SCGN: variants seen among roughly 807,000 people sequenced by gnomAD.
SCGN encodes secretagogin, EF-hand calcium binding protein.
Under a neutral mutation model 39.7 loss-of-function variants are expected in SCGN, and 30 were observed. That is an observed-to-expected ratio of 0.76 (90% CI 0.57 to 1.03). The LOEUF is 1.03. Ranked by LOEUF, SCGN falls within the 50% of genes least tolerant of loss-of-function variation. The pLI is 0.00. For missense variants in SCGN, 353 were observed against 349.4 expected (o/e 1.01, Z -0.08); for synonymous variants, 106 against 114.1 (o/e 0.93, Z 0.45).
chr6:25,661,008 A>C (rs1361132821), intron 2 of SCGN, among the ~76,000 whole-genome samples: 1 of 152,220 alleles, frequency 6.6e-6, no homozygotes, highest in East Asian at 1.9e-4. Flanking sequence ...TCTACATAGA[A>C]GGGAGTTGTA....
intron 7 of SCGN, among the ~76,000 whole-genome samples, chr6:25,686,851 C>G (rs1006839724): frequency 6.6e-6 from 1 of 151,970 alleles, no homozygotes; most frequent in Non-Finnish European, 1.5e-5. Context: ...TTATGTAAAT[C>G]CTTTTCATGT....
intron 6 of SCGN, among the ~76,000 whole-genome samples, chr6:25,677,675 C>A (rs1759582565): frequency 6.6e-6 from 1 of 152,016 alleles, no homozygotes; most frequent in South Asian, 2.1e-4. Flanking sequence ...TATACATATG[C>A]TTGTATGTTT....
At chr6:25,688,869 C>G (rs935621360) in intron 7 of SCGN, among the ~76,000 whole-genome samples, 5 of 150,350 alleles carry the variant, frequency 3.3e-5, no homozygotes, top group African/African-American at 1.2e-4. Context: ...TAATTATTTT[C>G]CAGAGCTCTG....
At chr6:25,671,571 G>A (rs9467557) in intron 6 of SCGN, among the ~76,000 whole-genome samples, 1,960 of 152,268 alleles carry the variant, frequency 0.013, 28 homozygotes, top group African/African-American at 0.035. Context: ...AGCTTCTTAC[G>A]GTGTTGATTT....
chr6:25,701,202 C>T lies in SCGN; in HGVS notation c.703-5C>T. The T allele has an allele frequency of 6.2e-7, 1 of 1,608,308 alleles. No individual in the cohort carries two copies. Among genetic ancestry groups the T allele is most frequent in the Non-Finnish European group, 8.5e-7 (1 of 1,177,426 alleles). ...CTGTTAACATGTTACTTTTGTCGCC[C>T]TCAGCCCAGCATCAGCGGGGTGGAC... On this transcript the variant is annotated splice_polypyrimidine_tract_variant and splice_region_variant and intron_variant, in intron 10 of 10. Coordinates refer to ENST00000377961, the MANE Select transcript of SCGN (RefSeq NM_006998.4).
intron 10 of SCGN, among the ~76,000 whole-genome samples, chr6:25,697,440 T>C (rs1759853250): frequency 6.6e-6 from 1 of 152,252 alleles, no homozygotes; most frequent in Non-Finnish European, 1.5e-5. Flanking sequence ...AGTGAAACTC[T>C]AATTCAGTTC....
intron 2 of SCGN, among the ~76,000 whole-genome samples, chr6:25,658,664 C>T (rs1031595386): frequency 1.3e-5 from 2 of 152,136 alleles, no homozygotes; most frequent in African/African-American, 4.8e-5. Flanking sequence ...AGAGACTCAC[C>T]TTCACTGCAA....
chr6:25,668,902 C>T (rs533938489), intron 4 of SCGN, among the ~76,000 whole-genome samples: 1 of 152,062 alleles, frequency 6.6e-6, no homozygotes, highest in Non-Finnish European at 1.5e-5. Flanking sequence ...ACAAGGTCAG[C>T]AGATCGAGAC....
chr6:25,697,751 A>G (rs938628809), intron 10 of SCGN, among the ~76,000 whole-genome samples: 8 of 152,192 alleles, frequency 5.3e-5, no homozygotes, highest in Non-Finnish European at 1.0e-4. Context: ...TTTTCAATCA[A>G]TTTTATTTCA....
At position 25,696,024 on chromosome 6, in the gene SCGN, T is replaced by C. The variant is rs1266532562; in HGVS notation, c.702+4900T>C. Among the ~76,000 whole-genome samples the C allele has an allele frequency of 2.0e-5, 3 of 152,298 alleles. No homozygotes were observed. In the East Asian group the frequency reaches 5.8e-4, roughly 29 times the overall value. ...TGATGGGAGTTCCTGCCCACAGTCC[T>C]CCCTAAAGTTCTTTCTTTTCCTTGA... On this transcript the variant is annotated intron_variant, in intron 10 of 10. Transcript: ENST00000377961.
At chr6:25,655,385 C>T (rs1760209528) in intron 2 of SCGN, among the ~76,000 whole-genome samples, 2 of 152,176 alleles carry the variant, frequency 1.3e-5, no homozygotes, top group Admixed American at 6.5e-5. Context: ...GAGATTTTGG[C>T]TAACCTTAGA....
At chr6:25,659,734 A>G (rs1343282667) in intron 2 of SCGN, among the ~76,000 whole-genome samples, 1 of 152,226 alleles carries the variant, frequency 6.6e-6, no homozygotes, top group Non-Finnish European at 1.5e-5. Flanking sequence ...ACTGGAAAAC[A>G]TTTGCCATAT....
intron 7 of SCGN, among the ~76,000 whole-genome samples, chr6:25,682,824 G>A (rs753793562): frequency 3.9e-5 from 6 of 152,190 alleles, no homozygotes; most frequent in South Asian, 2.1e-4. Flanking sequence ...TAATGATGAG[G>A]AGGTAACTCG....
intron 4 of SCGN, among the ~76,000 whole-genome samples, chr6:25,667,978 C>G (rs1207255016): frequency 1.3e-5 from 2 of 152,204 alleles, no homozygotes; most frequent in Admixed American, 6.5e-5. Context: ...ATGTAACTCA[C>G]TGATTTTGTA....
chr6:25,700,122 G>A (rs12525479), intron 10 of SCGN, among the ~76,000 whole-genome samples: 12,690 of 151,150 alleles, frequency 0.084, 1,163 homozygotes, highest in East Asian at 0.49. Flanking sequence ...GCGGGTGACT[G>A]TAAGCCCAGC....
In SCGN at chr6:25,673,245, T is replaced by C. The variant is rs1356239594; in HGVS notation, c.471+3169T>C. 2.0e-5 allele frequency among the ~76,000 whole-genome samples: 3 copies of C among 152,168 alleles called. No homozygotes were observed. The East Asian group carries it at 5.8e-4, about 29-fold the overall frequency. On this transcript the variant is annotated intron_variant, in intron 6 of 10. Transcript: ENST00000377961. Reference sequence around the variant, plus strand: ...GGGTTGCATATTGCACATTTCAGCATTTTGTACAGACCTAATCTTCCCCAA... The same window carrying C: ...GGGTTGCATATTGCACATTTCAGCACTTTGTACAGACCTAATCTTCCCCAA...
At chr6:25,654,829 G>T (rs568042964) in intron 2 of SCGN, among the ~76,000 whole-genome samples, 87 of 152,180 alleles carry the variant, frequency 5.7e-4, no homozygotes, top group African/African-American at 2.0e-3. Context: ...ACCCTGTGCA[G>T]CCTGTGAAGT....
intron 2 of SCGN, among the ~76,000 whole-genome samples, chr6:25,660,820 G>A (rs570073952): frequency 5.4e-4 from 82 of 152,354 alleles, no homozygotes; most frequent in African/African-American, 1.9e-3. Flanking sequence ...CAGCATGATA[G>A]TATTAGGGAG....
chr6:25,680,959 G>A (rs1269209774), intron 6 of SCGN, among the ~76,000 whole-genome samples: 1 of 152,060 alleles, frequency 6.6e-6, no homozygotes. Flanking sequence ...AGATTATCTC[G>A]CTCCCTCTTT....
Sources: gnomAD v4.1 joint callset for allele counts (sites outside exome capture counted in the v4.1 genomes callset) on GRCh38, gnomAD v4.1.1 for gene constraint, MANE v1.5 for transcripts, NCBI Gene and HGNC (gene_info 2026-07-23, HGNC 2026-07-21) for gene names.